TFIP11: variants seen among roughly 807,000 people sequenced by gnomAD.
TFIP11 encodes the protein tuftelin interacting protein 11, also known as tuftelin-interacting protein 11.
Under a neutral mutation model 96.8 loss-of-function variants are expected in TFIP11, and 86 were observed. That is an observed-to-expected ratio of 0.89 (90% CI 0.75 to 1.06). The LOEUF (loss-of-function observed/expected upper bound fraction) is 1.06, where lower values mean the gene tolerates loss of function less well. TFIP11 is among the 50% of genes least tolerant of loss of function. TFIP11 has a pLI of 0.00. For missense variants in TFIP11, 881 were observed against 1,076.7 expected (o/e 0.82, Z 2.54); for synonymous variants, 405 against 395.2 (o/e 1.02, Z -0.29).
At chr22:26,503,637 T>C (rs957665822) in intron 7 of TFIP11, 29 bp downstream of exon 7, 3 of 1,612,124 alleles carry the variant, frequency 1.9e-6, no homozygotes, top group Admixed American at 1.7e-5. Flanking sequence ...CAGGACACCA[T>C]CCACCCATGT....
chr22:26,506,218 G>A, intron 6 of TFIP11, 85 bp downstream of exon 6: 22 of 1,425,668 alleles, frequency 1.5e-5, no homozygotes, highest in Non-Finnish European at 2.1e-5. Flanking sequence ...CTTTTAAAAG[G>A]GAAAAGCAAA....
Position 26,510,172 on chromosome 22 carries a change from T to A in TFIP11, c.101A>T (p.Glu34Val), listed in dbSNP as rs757654959. 2 of 1,614,194 alleles carry A rather than the reference T, an allele frequency of 1.2e-6. No individual in the cohort carries two copies. The highest frequency in any genetic ancestry group is 2.2e-5 in the South Asian group (2 of 91,076). The change falls in exon 4 of 15, where the codon GAG (glutamate) becomes GTG (valine). Residue 34 changes from glutamate to valine, a missense_variant. Transcript: ENST00000407690. ...GTGGCGCTGTCGGTTGGGGTTGAACTCATTCTGGAGATCCCAGTCAGTGAT... is the reference window on the plus strand; with the variant it reads ...GTGGCGCTGTCGGTTGGGGTTGAACACATTCTGGAGATCCCAGTCAGTGAT... ...FEITDWDLQN[E>V]FNPNRQRHWQ...
chr22:26,506,937 A>C lies in TFIP11; in HGVS notation c.210-9T>G, dbSNP rs1415240021. On this transcript the variant is annotated splice_polypyrimidine_tract_variant and intron_variant, in intron 4 of 14. Coordinates refer to ENST00000407690, the MANE Select transcript of TFIP11 (RefSeq NM_012143.4). Reference sequence around the variant, plus strand: ...CAGAGTAGTCACGGGCCCTGTAGGCACAGAAACAAAGCCCCACCAGGTCGG... The same window carrying C: ...CAGAGTAGTCACGGGCCCTGTAGGCCCAGAAACAAAGCCCCACCAGGTCGG... The C allele has an allele frequency of 6.2e-7, 1 of 1,613,010 alleles. No homozygotes were observed. Among genetic ancestry groups the C allele is most frequent in the Non-Finnish European group, 8.5e-7 (1 of 1,179,392 alleles).
chr22:26,503,746 C>G lies in TFIP11; in HGVS notation c.568G>C (p.Val190Leu), dbSNP rs1569163223. 6.2e-7 allele frequency: 1 copy of G among 1,613,982 alleles called. No homozygotes were observed. The highest frequency in any genetic ancestry group is 1.3e-5 in the African/African-American group (1 of 74,966). The stretch of plus-strand genomic sequence containing the variant: ...GTGCGCTCGGATCCATAAGCCCCCA[C>G]AGCACCTTTTCCCTTTCTCTGCTTG... ...EAKQRKGKGA[V>L]GAYGSERTTQ... The change falls in exon 7 of 15, where the codon GTG (valine) becomes CTG (leucine). Residue 190 changes from valine to leucine, a missense_variant. Transcript: ENST00000407690.
At chr22:26,495,260 CTTTTTTTTTTTTTTTTTTT>C (rs150268332) in intron 12 of TFIP11, among the ~76,000 whole-genome samples, 8 of 59,156 alleles carry the variant, frequency 1.4e-4, no homozygotes, top group East Asian at 1.1e-3. Flanking sequence ...CAACTCCTGG[CTTTTTTTTTTTTTTTTTTT>C]TTTTTTTTTT....
At position 26,503,661 on chromosome 22, in the gene TFIP11, G is replaced by A; in HGVS notation, c.648+5C>T. 1 of 1,613,890 alleles carries A rather than the reference G, an allele frequency of 6.2e-7. No homozygotes were observed. The highest frequency in any genetic ancestry group is 1.7e-4 in the Middle Eastern group (1 of 6,060). On this transcript the variant is annotated splice_donor_5th_base_variant and intron_variant, in intron 7 of 14. Coordinates refer to ENST00000407690, the MANE Select transcript of TFIP11 (RefSeq NM_012143.4). ...ATCCACCCATGTCTCCTGACTTCCA[G>A]TTACCTCTTCAGCTTCTTCCTCTGA...
At chr22:26,502,169 T>C in intron 7 of TFIP11, 117 bp from the exon 8 acceptor site, 1 of 1,319,920 alleles carries the variant, frequency 7.6e-7, no homozygotes, top group Non-Finnish European at 1.1e-6. Flanking sequence ...ATTTACAAGC[T>C]CTATATGAAG....
intron 13 of TFIP11, chr22:26,494,592 G>T: frequency 1.3e-6 from 1 of 789,038 alleles, no homozygotes; most frequent in Non-Finnish European, 2.0e-6. Flanking sequence ...CTGAGATAAA[G>T]CAAATAAAGT....
rs1158739535 is a variant in TFIP11, at chr22:26,496,219, G to A, written c.1703C>T (p.Ser568Phe). 6.2e-7 allele frequency: 1 copy of A among 1,613,920 alleles called. No individual in the cohort carries two copies. Among genetic ancestry groups the A allele is most frequent in the Non-Finnish European group, 8.5e-7 (1 of 1,179,970 alleles). Residue 568 changes from serine to phenylalanine, a missense_variant, in exon 12 of 15, where the codon TCC (serine) becomes TTC (phenylalanine). Physicochemically the swap from Ser to Phe is radical, Grantham distance 155. Coordinates refer to ENST00000407690, the MANE Select transcript of TFIP11 (RefSeq NM_012143.4). ...LMQARLEPLY[S>F]PIRSKLSSAL... ...GCTGGACAGCTTACTACGGATGGGG[G>A]AATAGAGTGGCTCCAGCCGTGCCTG...
At chr22:26,512,289 A>C (rs1924169409) in intron 1 of TFIP11, 105 bp downstream of exon 1, 1 of 152,116 alleles carries the variant, frequency 6.6e-6, no homozygotes, top group African/African-American at 2.4e-5. Flanking sequence ...TACGAAATGG[A>C]TTCCCCTCCC....
chr22:26,500,207 T>C (rs549633553), intron 8 of TFIP11, among the ~76,000 whole-genome samples: 2 of 152,350 alleles, frequency 1.3e-5, no homozygotes, highest in South Asian at 2.1e-4. Flanking sequence ...TCTCGCTCTG[T>C]TGCCCAGGCT....
rs1370546333 is a variant in TFIP11, at chr22:26,499,098, A to C, written c.1329+6T>G. On this transcript the variant is annotated splice_donor_region_variant and intron_variant, in intron 9 of 14. Coordinates refer to ENST00000407690, the MANE Select transcript of TFIP11 (RefSeq NM_012143.4). ...CAGGGATAGGTTGATTTTCCCAGCA[A>C]CTCACTTTGAGGGGATCCCACTCCT... The C allele has an allele frequency of 6.3e-7, 1 of 1,588,052 alleles. No individual in the cohort carries two copies. Among genetic ancestry groups the C allele is most frequent in the Non-Finnish European group, 8.6e-7 (1 of 1,163,460 alleles).
intron 4 of TFIP11, among the ~76,000 whole-genome samples, chr22:26,509,235 G>A (rs1237403489): frequency 6.6e-6 from 1 of 152,000 alleles, no homozygotes; most frequent in Admixed American, 6.5e-5. Context: ...TCATATCCTT[G>A]TGGATACCGT....
At chr22:26,495,304 AG>A (rs1446752935) in intron 12 of TFIP11, among the ~76,000 whole-genome samples, 10 of 100,962 alleles carry the variant, frequency 9.9e-5, no homozygotes, top group Non-Finnish European at 1.4e-4. Context: ...TTGTTGAGAC[AG>A]GGTCTCACTG....
chr22:26,502,874 C>T (rs985980652), intron 7 of TFIP11, among the ~76,000 whole-genome samples: 2 of 152,190 alleles, frequency 1.3e-5, no homozygotes, highest in Non-Finnish European at 2.9e-5. Context: ...TAGCACCTGG[C>T]TCATCTTACT....
At chr22:26,504,494 G>A (rs1923171339) in intron 6 of TFIP11, among the ~76,000 whole-genome samples, 1 of 151,378 alleles carries the variant, frequency 6.6e-6, no homozygotes, top group African/African-American at 2.4e-5. Flanking sequence ...AACCAGCCTG[G>A]GCAACATAGT....
chr22:26,510,348 G>T, intron 3 of TFIP11, 67 bp from the exon 4 acceptor site: 1 of 1,430,420 alleles, frequency 7.0e-7, no homozygotes. Context: ...GATTCCTTGT[G>T]AGTCTCTATT....
chr22:26,494,017 C>T, intron 14 of TFIP11, 122 bp downstream of exon 14: 1 of 1,150,796 alleles, frequency 8.7e-7, no homozygotes, highest in Non-Finnish European at 1.2e-6. Flanking sequence ...TTGCTATGTG[C>T]AAAAGTGTGA....
Position 26,491,335 on chromosome 22 carries a change from C to A in TFIP11, c.*678G>T. The A allele has an allele frequency of 1.2e-6, 1 of 827,602 alleles. No homozygotes were observed. The highest frequency in any genetic ancestry group is 1.9e-6 in the Non-Finnish European group (1 of 522,182). The allele number at this position is 827,602 out of a possible 1,614,324, so 51.3% of individuals were successfully genotyped here. The stretch of plus-strand genomic sequence containing the variant: ...ATTCATTGTGCAAAAGCATTTAAAT[C>A]AAAATACCCTATTTGTTATTTTTTT... On this transcript the variant is annotated 3_prime_UTR_variant, in exon 15 of 15. Transcript: ENST00000407690.
Sources: gnomAD v4.1 joint callset for allele counts (sites outside exome capture counted in the v4.1 genomes callset) on GRCh38, gnomAD v4.1.1 for gene constraint, MANE v1.5 for transcripts, NCBI Gene and HGNC (gene_info 2026-07-23, HGNC 2026-07-21) for gene names.